The following ANTXR1 variants were observed in gnomAD, a reference collection of about 807,000 sequenced individuals.
ANTXR1 encodes the protein ANTXR cell adhesion molecule 1.
ANTXR1 carries 19 observed loss-of-function variants against 78.1 expected under a neutral mutation model. That is an observed-to-expected ratio of 0.24 (90% CI 0.17 to 0.36). The LOEUF (loss-of-function observed/expected upper bound fraction) is 0.36. Among genes scored for constraint, ANTXR1 ranks in the 10% least tolerant of loss-of-function variants. ANTXR1 has a pLI of 1.00. For missense variants in ANTXR1, 518 were observed against 718.6 expected (o/e 0.72, Z 3.19); for synonymous variants, 273 against 260.5 (o/e 1.05, Z -0.46).
intron 9 of ANTXR1, among the ~76,000 whole-genome samples, chr2:69,101,218 G>C (rs1412513499): frequency 6.6e-6 from 1 of 152,112 alleles, no homozygotes; most frequent in African/African-American, 2.4e-5. Flanking sequence ...TCTGCAAAAT[G>C]AGCAAACCTG....
chr2:69,070,755 A>G (rs769067742), intron 4 of ANTXR1, 27 bp downstream of exon 4: 1 of 1,601,024 alleles, frequency 6.2e-7, no homozygotes, highest in South Asian at 1.1e-5. Context: ...TTGAAATCCA[A>G]ATATAAAGCA....
chr2:69,013,589 A>T lies in ANTXR1; in HGVS notation c.90A>T (p.Gly30=). 1 of 1,565,472 alleles carries T rather than the reference A, an allele frequency of 6.4e-7. No individual in the cohort carries two copies. Among genetic ancestry groups the T allele is most frequent in the Non-Finnish European group, 8.7e-7 (1 of 1,154,312 alleles). The stretch of plus-strand genomic sequence containing the variant: ...TGCTCATCTGCGCCGGGCAAGGGGG[A>T]CGCAGGGAGGATGGGGGTCCAGCCT... The part of the protein sequence containing the change: ...TLVLICAGQG[G]RREDGGPACY... Residue 30 remains glycine (G), a synonymous_variant, in exon 1 of 18, where the codon GGA becomes GGT. Transcript: ENST00000303714. The surrounding 1 kb of genome is among the most constrained non-coding windows in gnomAD (Gnocchi z 5.0).
intron 3 of ANTXR1, among the ~76,000 whole-genome samples, chr2:69,063,078 T>C (rs1670292687): frequency 6.6e-6 from 1 of 151,858 alleles, no homozygotes; most frequent in Non-Finnish European, 1.5e-5. Context: ...AGGGAGAAAA[T>C]GAACCAGTCC....
intron 14 of ANTXR1, among the ~76,000 whole-genome samples, chr2:69,180,900 A>ACATGGTTATTGGAG (rs1674257720): frequency 6.6e-6 from 1 of 152,186 alleles, no homozygotes; most frequent in Non-Finnish European, 1.5e-5. Context: ...ATCCATCAGA[A>ACATGGTTATTGGAG]GATGGGGTGG....
intron 17 of ANTXR1, among the ~76,000 whole-genome samples, chr2:69,224,561 T>C (rs1356227795): frequency 6.6e-6 from 1 of 152,132 alleles, no homozygotes; most frequent in Non-Finnish European, 1.5e-5. Context: ...TGGGCTTGCA[T>C]TCCATTCCAT....
At chr2:69,180,553 C>T (rs995826917) in intron 14 of ANTXR1, among the ~76,000 whole-genome samples, 2 of 152,222 alleles carry the variant, frequency 1.3e-5, no homozygotes, top group African/African-American at 2.4e-5. Context: ...AATATAAACA[C>T]TAACTTCTTG....
At chr2:69,154,688 G>A (rs754234043) in intron 13 of ANTXR1, among the ~76,000 whole-genome samples, 16 of 152,184 alleles carry the variant, frequency 1.1e-4, no homozygotes, top group Middle Eastern at 3.2e-3. Context: ...TAGCAGAGCC[G>A]CATCTCCGTG....
rs1433704314 is a variant in ANTXR1, at chr2:69,077,423, G to A, written c.577G>A (p.Asp193Asn). The change falls in exon 8 of 18, where the codon GAC (aspartate) becomes AAC (asparagine). Residue 193 changes from aspartate (D) to asparagine (N), a missense_variant. By Grantham distance (23) the Asp-to-Asn change is conservative. Transcript: ENST00000303714. ...FNETQLARIA[D>N]SKDHVFPVND... ...GTGTTCTCAGCTGGCCCGGATTGCG[G>A]ACAGTAAGGATCATGTGTTTCCCGT... The A allele has an allele frequency of 6.2e-7, 1 of 1,614,146 alleles. No homozygotes were observed. Among genetic ancestry groups the A allele is most frequent in the Non-Finnish European group, 8.5e-7 (1 of 1,180,006 alleles).
intron 10 of ANTXR1, among the ~76,000 whole-genome samples, chr2:69,117,459 C>T (rs891649033): frequency 6.6e-6 from 1 of 152,168 alleles, no homozygotes; most frequent in African/African-American, 2.4e-5. Flanking sequence ...AACATGCATG[C>T]ACCTGTGTGT....
At chr2:69,038,971 G>T (rs1436646298) in intron 1 of ANTXR1, among the ~76,000 whole-genome samples, 1 of 152,028 alleles carries the variant, frequency 6.6e-6, no homozygotes, top group Non-Finnish European at 1.5e-5. Flanking sequence ...TTGAAACAAA[G>T]GAAAAACAGC....
intron 3 of ANTXR1, among the ~76,000 whole-genome samples, chr2:69,056,978 C>A (rs576671364): frequency 6.6e-6 from 1 of 152,136 alleles, no homozygotes; most frequent in East Asian, 1.9e-4. Flanking sequence ...CACAACCAGC[C>A]GAAACTTTAT....
intron 10 of ANTXR1, among the ~76,000 whole-genome samples, chr2:69,105,382 C>T (rs544560683): frequency 6.6e-6 from 1 of 152,176 alleles, no homozygotes; most frequent in Non-Finnish European, 1.5e-5. Context: ...GTGATTTGAT[C>T]ATATTCTATG....
chr2:69,201,104 G>T (rs1050066467), intron 17 of ANTXR1, among the ~76,000 whole-genome samples: 2 of 152,104 alleles, frequency 1.3e-5, no homozygotes, highest in African/African-American at 4.8e-5. Context: ...CCCTGCCCTC[G>T]AGGAACAGGG....
intron 9 of ANTXR1, among the ~76,000 whole-genome samples, chr2:69,092,711 A>G (rs1190776054): frequency 1.3e-5 from 2 of 152,190 alleles, no homozygotes; most frequent in African/African-American, 4.8e-5. Context: ...AAAACATATG[A>G]CCACATGAAT....
In ANTXR1 at chr2:69,245,722, C is replaced by A; in HGVS notation, c.*237C>A. The A allele has an allele frequency of 1.8e-6, 1 of 541,928 alleles. No homozygotes were observed. Among genetic ancestry groups the A allele is most frequent in the Non-Finnish European group, 3.2e-6 (1 of 309,802 alleles). The allele number at this position is 541,928 out of a possible 1,614,324, so 33.6% of individuals were successfully genotyped here. ...CAGATTTATAGCCAGCCATCTATCA[C>A]CTCTAGAAGGTTCCAGAGACAGTGA... On this transcript the variant is annotated 3_prime_UTR_variant, in exon 18 of 18. Coordinates refer to ENST00000303714, the MANE Select transcript of ANTXR1 (RefSeq NM_032208.3).
chr2:69,245,488 C>T lies in ANTXR1; in HGVS notation c.*3C>T. ...CTCCTCCAAGGCCTTCTGTCTAGAG[C>T]CCAAAGTTCCTGCTCTGGGCTCTCT... On this transcript the variant is annotated 3_prime_UTR_variant, in exon 18 of 18. Transcript: ENST00000303714. 3 of 1,613,158 alleles carry T rather than the reference C, an allele frequency of 1.9e-6. No individual in the cohort carries two copies. The highest frequency in any genetic ancestry group is 2.5e-6 in the Non-Finnish European group (3 of 1,179,818).
chr2:69,077,288 C>T, intron 7 of ANTXR1, 120 bp from the exon 8 acceptor site: 2 of 1,065,738 alleles, frequency 1.9e-6, no homozygotes, highest in Middle Eastern at 2.1e-4. Context: ...CAGTGAAGGC[C>T]TCATATTCCC....
intron 14 of ANTXR1, among the ~76,000 whole-genome samples, chr2:69,173,218 T>C (rs986332662): frequency 1.3e-5 from 2 of 152,328 alleles, no homozygotes; most frequent in South Asian, 2.1e-4. Context: ...TGGGAATTTA[T>C]TCCCTTCTGC....
At chr2:69,089,405 A>G (rs1158726019) in intron 8 of ANTXR1, among the ~76,000 whole-genome samples, 40 of 152,148 alleles carry the variant, frequency 2.6e-4, no homozygotes, top group Non-Finnish European at 1.5e-5. Flanking sequence ...TGAGAAACTG[A>G]TTTGTTTTCA....
Sources: gnomAD v4.1 joint callset for allele counts (sites outside exome capture counted in the v4.1 genomes callset) on GRCh38, gnomAD v4.1.1 for gene constraint, Gnocchi (gnomAD v3.1) non-coding constraint, MANE v1.5 for transcripts, NCBI Gene and HGNC (gene_info 2026-07-23, HGNC 2026-07-21) for gene names.